The following ERP44 variants were observed in gnomAD, a reference collection of about 807,000 sequenced individuals.
ERP44 encodes endoplasmic reticulum protein 44.
ERP44 carries 25 observed loss-of-function variants against 53.4 expected under a neutral mutation model. The observed-to-expected ratio is 0.47, with a 90% CI of 0.34 to 0.65. The LOEUF (loss-of-function observed/expected upper bound fraction) is 0.65. ERP44 is among the 30% of genes least tolerant of loss of function. The pLI, the probability that ERP44 is intolerant of heterozygous loss-of-function variation, is 0.01. For synonymous variants in ERP44, 145 were observed against 161.2 expected, an observed-to-expected ratio of 0.90 and a Z score of 0.76; for missense variants, 338 against 493.2, an observed-to-expected ratio of 0.69 and a Z score of 2.98.
intron 1 of ERP44, among the ~76,000 whole-genome samples, chr9:100,062,150 C>A (rs1315964809): frequency 6.6e-6 from 1 of 152,002 alleles, no homozygotes; most frequent in African/African-American, 2.4e-5. Flanking sequence ...TAGATCATAC[C>A]CCCTTTGTCC....
At chr9:99,998,910 G>C (rs919289359) in intron 10 of ERP44, 69 of 1,595,702 alleles carry the variant, frequency 4.3e-5, no homozygotes, top group Non-Finnish European at 5.4e-5. Context: ...AGCAGTCTCA[G>C]GGTTGGCACT....
In ERP44 at chr9:99,987,156, C is replaced by T. The variant is rs34727728; in HGVS notation, c.1017-2087G>A. Among the ~76,000 whole-genome samples the T allele has an allele frequency of 9.6e-3, 1,462 of 152,148 alleles. 14 individuals carry two copies. The highest frequency in any genetic ancestry group is 0.012 in the African/African-American group (481 of 41,504). ...AAAGAATGTGTGCAAAAGGAAAAGA[C>T]GAGAGATAGGATGAATCTGAACTGA... On this transcript the variant is annotated intron_variant, in intron 10 of 11. Transcript: ENST00000262455.
At chr9:100,061,673 T>C (rs1255793383) in intron 1 of ERP44, among the ~76,000 whole-genome samples, 1 of 150,298 alleles carries the variant, frequency 6.7e-6, no homozygotes, top group Non-Finnish European at 1.5e-5. Flanking sequence ...GATAACACTG[T>C]CTTATTTTTA....
rs775384727 is a variant in ERP44, at chr9:100,016,315, C to T, written c.762+7G>A. 1 of 1,606,378 alleles carries T rather than the reference C, an allele frequency of 6.2e-7. No individual in the cohort carries two copies. The highest frequency in any genetic ancestry group is 8.5e-7 in the Non-Finnish European group (1 of 1,177,424). The stretch of plus-strand genomic sequence containing the variant: ...TAAAGTAACAATGCACAGTAGAAAG[C>T]CCATACCTCTCCATTTTCAAATGTT... On this transcript the variant is annotated splice_region_variant and intron_variant, in intron 8 of 11. Transcript: ENST00000262455.
intron 10 of ERP44, among the ~76,000 whole-genome samples, chr9:99,997,307 T>A (rs1482133070): frequency 5.3e-5 from 8 of 152,214 alleles, no homozygotes; most frequent in Admixed American, 5.2e-4. Flanking sequence ...ATCTACTTTT[T>A]AAAATTTTTT....
chr9:100,000,449 A>C (rs917269872), intron 10 of ERP44, among the ~76,000 whole-genome samples: 14 of 151,792 alleles, frequency 9.2e-5, no homozygotes, highest in South Asian at 2.1e-4. Flanking sequence ...AAAAAAAAAA[A>C]AAAAACTTTC....
intron 4 of ERP44, among the ~76,000 whole-genome samples, chr9:100,043,726 G>C (rs1825938365): frequency 6.6e-6 from 1 of 151,848 alleles, no homozygotes; most frequent in Non-Finnish European, 1.5e-5. Flanking sequence ...CTGTACTCCA[G>C]CCTGGGAGAC....
chr9:100,018,164 T>C (rs1830543477), intron 7 of ERP44, 92 bp downstream of exon 7: 1 of 832,978 alleles, frequency 1.2e-6, no homozygotes, highest in Non-Finnish European at 2.1e-6. Flanking sequence ...TAAAGTTCTA[T>C]TAGTCTATGA....
At chr9:100,068,553 G>A (rs868710470) in intron 1 of ERP44, among the ~76,000 whole-genome samples, 20 of 142,416 alleles carry the variant, frequency 1.4e-4, no homozygotes, top group South Asian at 4.5e-4. Context: ...CAGCCGCCCC[G>A]TCGGGGAGGG....
At chr9:100,075,853 G>C (rs184102313) in intron 1 of ERP44, among the ~76,000 whole-genome samples, 1 of 152,296 alleles carries the variant, frequency 6.6e-6, no homozygotes, top group East Asian at 1.9e-4. Context: ...TGCGAGTTTT[G>C]AGTGGAGTCA....
chr9:100,049,740 G>C (rs572898137), intron 4 of ERP44, among the ~76,000 whole-genome samples: 62 of 152,284 alleles, frequency 4.1e-4, no homozygotes, highest in African/African-American at 1.4e-3. Flanking sequence ...CCTACCATAT[G>C]ACCTAGCATT....
chr9:99,998,469 C>A (rs993303810), intron 10 of ERP44: 47 of 699,856 alleles, frequency 6.7e-5, no homozygotes, highest in Non-Finnish European at 1.1e-4. Flanking sequence ...CACCTCTGCA[C>A]TCTTCCTGGT....
In ERP44 at chr9:99,993,931, A is replaced by C. The variant is rs536203441; in HGVS notation, c.1017-8862T>G. Among the ~76,000 whole-genome samples the C allele has an allele frequency of 1.3e-4, 20 of 152,360 alleles. 1 individual carries two copies. The highest frequency in any genetic ancestry group is 8.3e-4 in the South Asian group (4 of 4,828). On this transcript the variant is annotated intron_variant, in intron 10 of 11. Coordinates refer to ENST00000262455, the MANE Select transcript of ERP44 (RefSeq NM_015051.3). ...GCTCATCATCACTGGCCATCAGAGAAATGCAAATCAAAACCACAATGAGAT... is the reference window on the plus strand; with the variant it reads ...GCTCATCATCACTGGCCATCAGAGACATGCAAATCAAAACCACAATGAGAT...
intron 1 of ERP44, among the ~76,000 whole-genome samples, chr9:100,080,230 T>C (rs1587984006): frequency 6.6e-6 from 1 of 152,178 alleles, no homozygotes; most frequent in African/African-American, 2.4e-5. Flanking sequence ...TACCCTACAA[T>C]TGAACGCTTG....
intron 3 of ERP44, among the ~76,000 whole-genome samples, chr9:100,055,157 G>T (rs1318224323): frequency 6.6e-6 from 1 of 151,924 alleles, no homozygotes; most frequent in East Asian, 1.9e-4. Context: ...GAGTAGTTCT[G>T]AGCATTAAAA....
intron 4 of ERP44, among the ~76,000 whole-genome samples, chr9:100,038,037 TAAAG>T (rs1234288793): frequency 6.6e-6 from 1 of 151,874 alleles, no homozygotes; most frequent in East Asian, 1.9e-4. Context: ...GAAAGAGAAA[TAAAG>T]ACTTTCCCAC....
At chr9:100,090,487 G>A (rs574101437) in intron 1 of ERP44, among the ~76,000 whole-genome samples, 5 of 152,240 alleles carry the variant, frequency 3.3e-5, no homozygotes, top group South Asian at 2.1e-4. Context: ...AGTGGCTCAC[G>A]GCTGTAATCC....
At chr9:100,074,932 G>A (rs1259770688) in intron 1 of ERP44, among the ~76,000 whole-genome samples, 1 of 152,208 alleles carries the variant, frequency 6.6e-6, no homozygotes, top group Non-Finnish European at 1.5e-5. Context: ...AATTGGCAGA[G>A]ACACACTTAG....
chr9:100,094,150 C>T (rs926987235), intron 1 of ERP44, among the ~76,000 whole-genome samples: 2 of 151,862 alleles, frequency 1.3e-5, no homozygotes, highest in Non-Finnish European at 2.9e-5. Flanking sequence ...TCCAGTGAAG[C>T]ATAAGCAGTT....
Sources: allele counts gnomAD v4.1 joint callset (sites outside exome capture counted in the v4.1 genomes callset), GRCh38; gene constraint gnomAD v4.1.1; transcripts MANE v1.5; gene names NCBI Gene and HGNC (gene_info 2026-07-23, HGNC 2026-07-21).